Variants in SRRM4 observed in about 807,000 individuals in gnomAD.
SRRM4 encodes serine/arginine repetitive matrix protein 4.
A neutral mutation model predicts 68.9 loss-of-function variants in SRRM4; 33 were observed. That is an observed-to-expected ratio of 0.48 (90% confidence interval 0.36 to 0.64). SRRM4 has a LOEUF of 0.64. Ranked by LOEUF, SRRM4 falls within the 30% of genes least tolerant of loss-of-function variation. The pLI is 0.00. For missense variants in SRRM4, 817 were observed against 827.1 expected, an observed-to-expected ratio of 0.99 and a Z score of 0.15; for synonymous variants, 318 against 318.8, an observed-to-expected ratio of 1.00 and a Z score of 0.03.
chr12:118,981,991 A>T lies in SRRM4; in HGVS notation c.109A>T (p.Thr37Ser). ...RPESIIVASI[T>S]ARKPLPRTEP... ...CGAGAGCATCATTGTCGCCAGTATC[A>T]CGGCCCGCAAGCCGCTGCCAAGGTA... The change falls in exon 1 of 13, where the codon ACG becomes TCG. Residue 37 changes from threonine to serine, a missense_variant. By Grantham distance (58) the Thr-to-Ser change is moderately conservative. Transcript: ENST00000267260. 2 of 1,609,282 alleles carry T rather than the reference A, an allele frequency of 1.2e-6. No individual in the cohort carries two copies. Among genetic ancestry groups the T allele is most frequent in the Non-Finnish European group, 1.7e-6 (2 of 1,178,236 alleles).
intron 1 of SRRM4, among the ~76,000 whole-genome samples, chr12:119,091,800 CTG>C (rs1297242397): frequency 6.6e-6 from 1 of 152,174 alleles, no homozygotes; most frequent in Non-Finnish European, 1.5e-5. Flanking sequence ...CTTGTATCCT[CTG>C]AGCACACATG....
At chr12:119,129,879 G>GGATA (rs1159748137) in intron 7 of SRRM4, among the ~76,000 whole-genome samples, 18 of 148,864 alleles carry the variant, frequency 1.2e-4, no homozygotes, top group South Asian at 2.2e-4. Context: ...ACAAATGGAT[G>GGATA]GATGGATGGA....
chr12:119,117,860 C>T (rs1484278235), intron 4 of SRRM4, among the ~76,000 whole-genome samples: 3 of 151,994 alleles, frequency 2.0e-5, no homozygotes, highest in Non-Finnish European at 2.9e-5. Flanking sequence ...TGCAGTGAGC[C>T]GAGATCGCTC....
chr12:119,129,731 A>G (rs1051043655), intron 7 of SRRM4, among the ~76,000 whole-genome samples: 1 of 152,264 alleles, frequency 6.6e-6, no homozygotes, highest in African/African-American at 2.4e-5. Context: ...TCAAATGAAC[A>G]AGTAAGAGAA....
intron 1 of SRRM4, among the ~76,000 whole-genome samples, chr12:119,077,714 G>A (rs1247486645): frequency 1.3e-5 from 2 of 152,166 alleles, no homozygotes; most frequent in Non-Finnish European, 2.9e-5. Context: ...TATTAAGTGA[G>A]AAAATGTCTA....
intron 1 of SRRM4, among the ~76,000 whole-genome samples, chr12:119,098,983 G>A (rs1416081248): frequency 6.6e-6 from 1 of 151,956 alleles, no homozygotes; most frequent in Non-Finnish European, 1.5e-5. Flanking sequence ...TAGAGTGATC[G>A]TTCTCAAAGG....
intron 10 of SRRM4, 34 bp from the exon 11 acceptor site, chr12:119,153,505 G>A: frequency 7.0e-7 from 1 of 1,430,776 alleles, no homozygotes. Context: ...CGGACACTCA[G>A]CAGGCTCCTC....
intron 1 of SRRM4, among the ~76,000 whole-genome samples, chr12:119,011,751 T>C (rs893397903): frequency 7.2e-5 from 11 of 152,194 alleles, no homozygotes; most frequent in African/African-American, 2.7e-4. Flanking sequence ...CTAAGCTCCC[T>C]GAGTCTGTCC....
chr12:119,033,365 T>C (rs74882047), intron 1 of SRRM4, among the ~76,000 whole-genome samples: 4,754 of 152,224 alleles, frequency 0.031, 280 homozygotes, highest in African/African-American at 0.11. Flanking sequence ...AGAGTACATC[T>C]CTAAAAAATA....
intron 1 of SRRM4, among the ~76,000 whole-genome samples, chr12:119,004,087 A>G (rs151287515): frequency 6.6e-6 from 1 of 152,102 alleles, no homozygotes; most frequent in East Asian, 2.0e-4. Flanking sequence ...TGTTATTATC[A>G]TCTTATTCTA....
chr12:119,096,173 A>C (rs1050587932), intron 1 of SRRM4, among the ~76,000 whole-genome samples: 1 of 144,074 alleles, frequency 6.9e-6, no homozygotes, highest in African/African-American at 2.5e-5. Flanking sequence ...GGTGCCCGCC[A>C]CCACGCCCAG....
At chr12:119,023,597 T>G (rs1182110152) in intron 1 of SRRM4, among the ~76,000 whole-genome samples, 3 of 152,216 alleles carry the variant, frequency 2.0e-5, no homozygotes, top group Non-Finnish European at 4.4e-5. Flanking sequence ...GCAGCCAGTG[T>G]GACCTTCCCA....
chr12:119,068,257 G>A (rs1953858047), intron 1 of SRRM4, among the ~76,000 whole-genome samples: 1 of 152,224 alleles, frequency 6.6e-6, no homozygotes, highest in Admixed American at 6.5e-5. Context: ...AGACTCAAAT[G>A]CATGGAGAGC....
Position 119,010,209 on chromosome 12 carries a change from C to T in SRRM4, c.131+28196C>T, listed in dbSNP as rs141655215. Among the ~76,000 whole-genome samples the T allele has an allele frequency of 3.9e-3, 590 of 152,320 alleles. 15 individuals carry two copies. Among genetic ancestry groups the T allele is most frequent in the Admixed American group, 0.031 (472 of 15,300 alleles). The stretch of plus-strand genomic sequence containing the variant: ...CCGGGACTACAAGCACCCACCACCA[C>T]GCCCGGCTAATTTTCGTATCTTTAG... On this transcript the variant is annotated intron_variant, in intron 1 of 12. Coordinates refer to ENST00000267260, the MANE Select transcript of SRRM4 (RefSeq NM_194286.4).
intron 1 of SRRM4, among the ~76,000 whole-genome samples, chr12:119,004,465 G>C (rs943492907): frequency 2.0e-5 from 3 of 152,018 alleles, no homozygotes; most frequent in African/African-American, 7.2e-5. Context: ...CTCCTGAGAG[G>C]GGGAGGGGAG....
chr12:119,087,019 G>A (rs896636655), intron 1 of SRRM4, among the ~76,000 whole-genome samples: 1 of 152,198 alleles, frequency 6.6e-6, no homozygotes, highest in Non-Finnish European at 1.5e-5. Context: ...TCTACGCGTG[G>A]TTCCCATGGT....
Position 119,145,528 on chromosome 12 carries a change from CAGG to C in SRRM4, c.922_924del (p.Glu308del), listed in dbSNP as rs777865635. On this transcript the variant is annotated inframe_deletion, in exon 9 of 13. Transcript: ENST00000267260. ...AACCAGCTCAGCCAGGTCTCGGGGCCAGGAGAAGGGGAGCCCCAGTGGGGGCTT... is the reference window on the plus strand; with the variant it reads ...AACCAGCTCAGCCAGGTCTCGGGGCCAGAAGGGGAGCCCCAGTGGGGGCTT... The C allele has an allele frequency of 1.8e-5, 29 of 1,608,412 alleles. No homozygotes were observed. The highest frequency in any genetic ancestry group is 4.0e-5 in the African/African-American group (3 of 74,664).
rs555673400 is a variant in SRRM4 at position 119,159,697 on chromosome 12, T to C, written c.*2899T>C. The C allele has an allele frequency of 3.3e-5, 5 of 152,252 alleles. No individual in the cohort carries two copies. Among genetic ancestry groups the C allele is most frequent in the Admixed American group, 1.3e-4 (2 of 15,300 alleles). The allele number at this position is 152,252 out of a possible 1,614,324, so 9.4% of individuals were successfully genotyped here. A position where few individuals can be genotyped will look rare whatever the true frequency, so the allele number is the denominator to read the frequency against. The stretch of plus-strand genomic sequence containing the variant: ...CTCTGAGCACACCTAGTTGGTTTCA[T>C]GTATGTTACACATGCTTCCACTCCA... On this transcript the variant is annotated 3_prime_UTR_variant, in exon 13 of 13. Coordinates refer to ENST00000267260, the MANE Select transcript of SRRM4 (RefSeq NM_194286.4).
At position 118,984,714 on chromosome 12, in the gene SRRM4, T is replaced by C. The variant is rs990452586; in HGVS notation, c.131+2701T>C. On this transcript the variant is annotated intron_variant, in intron 1 of 12. Transcript: ENST00000267260. ...CCCTGCTTAGTCTCTCTTTCTCCTC[T>C]ACCCCTCTGTGGGGCATACTTGATG... 3.3e-5 allele frequency among the ~76,000 whole-genome samples: 5 copies of C among 152,226 alleles called. No homozygotes were observed. In the South Asian group the frequency reaches 6.2e-4, roughly 19 times the overall value.
Sources: allele counts gnomAD v4.1 joint callset (sites outside exome capture counted in the v4.1 genomes callset), GRCh38; gene constraint gnomAD v4.1.1; transcripts MANE v1.5; gene names NCBI Gene and HGNC (gene_info 2026-07-23, HGNC 2026-07-21).